The following EIF3A variants were observed in gnomAD, a reference collection of about 807,000 sequenced individuals.
EIF3A encodes the protein eukaryotic translation initiation factor 3 subunit A, also known as EIF3, p180 subunit.
EIF3A carries 21 observed loss-of-function variants against 186.6 expected under a neutral mutation model. The ratio of observed to expected loss-of-function variants is 0.11; its 90% CI spans 0.08 to 0.16. EIF3A has a LOEUF of 0.16. EIF3A is among the 10% of genes least tolerant of loss of function. The probability of loss-of-function intolerance (pLI) is 1.00; values close to 1 mark genes in which losing one functional copy is unlikely to be tolerated. For synonymous variants in EIF3A, 563 were observed against 584.3 expected, an observed-to-expected ratio of 0.96 and a Z score of 0.52; for missense variants, 1,306 against 1,796.3, an observed-to-expected ratio of 0.73 and a Z score of 4.93.
intron 14 of EIF3A, 139 bp from the exon 15 acceptor site, chr10:119,051,460 T>G: frequency 1.1e-5 from 9 of 787,220 alleles, no homozygotes; most frequent in Non-Finnish European, 1.3e-5. Context: ...AAACGTTAAC[T>G]ACATCCATGT....
chr10:119,059,152 G>A (rs1564754958), intron 11 of EIF3A, 60 bp downstream of exon 11: 7 of 1,341,040 alleles, frequency 5.2e-6, no homozygotes, highest in Non-Finnish European at 7.4e-6. Context: ...TAAAAGACAT[G>A]GCATGGCGTT....
intron 8 of EIF3A, 138 bp downstream of exon 8, chr10:119,061,086 A>C: frequency 1.7e-6 from 1 of 573,594 alleles, no homozygotes; most frequent in Admixed American, 3.6e-5. Flanking sequence ...TCTTGAAATA[A>C]AGAAAAAAGA....
At chr10:119,053,557 C>CAAAAAA (rs33979018) in intron 14 of EIF3A, among the ~76,000 whole-genome samples, 1 of 110,546 alleles carries the variant, frequency 9.0e-6, no homozygotes, top group Non-Finnish European at 1.8e-5. Context: ...ACTAAAAATA[C>CAAAAAA]AAAAAAAAAA....
chr10:119,079,730 A>G (rs912514064), intron 1 of EIF3A, among the ~76,000 whole-genome samples: 1 of 152,180 alleles, frequency 6.6e-6, no homozygotes, highest in Non-Finnish European at 1.5e-5. Context: ...TGAAGTACAC[A>G]TATAGAAATA....
chr10:119,068,971 CAAA>C (rs59413780), intron 6 of EIF3A, among the ~76,000 whole-genome samples: 10 of 99,014 alleles, frequency 1.0e-4, no homozygotes, highest in Non-Finnish European at 1.7e-4. Context: ...CTCTGTCTTG[CAAA>C]AAAAAAAAAA....
chr10:119,057,617 A>G (rs1843806155), intron 12 of EIF3A, among the ~76,000 whole-genome samples: 1 of 152,136 alleles, frequency 6.6e-6, no homozygotes, highest in African/African-American at 2.4e-5. Context: ...TCTACTAAAA[A>G]TACAAAAATT....
intron 12 of EIF3A, among the ~76,000 whole-genome samples, chr10:119,057,268 T>C (rs551487990): frequency 6.6e-6 from 1 of 152,282 alleles, no homozygotes; most frequent in South Asian, 2.1e-4. Flanking sequence ...ACCCAGACTC[T>C]ACTAAATAGG....
At chr10:119,066,654 C>T (rs999746681) in intron 6 of EIF3A, among the ~76,000 whole-genome samples, 11 of 151,794 alleles carry the variant, frequency 7.2e-5, no homozygotes, top group African/African-American at 2.7e-4. Context: ...TTTTCACATC[C>T]CTGAAAGACA....
intron 9 of EIF3A, 125 bp downstream of exon 9, chr10:119,060,621 T>C (rs751318425): frequency 1.0e-5 from 6 of 592,106 alleles, no homozygotes; most frequent in Non-Finnish European, 1.5e-5. Flanking sequence ...ATAAATAGAC[T>C]AATTTTTGCC....
intron 9 of EIF3A, chr10:119,060,274 G>A (rs1843864273): frequency 4.7e-6 from 2 of 421,458 alleles, no homozygotes; most frequent in Admixed American, 3.5e-5. Context: ...TCATGGTGGG[G>A]GGTCTATTAA....
At chr10:119,070,285 C>T (rs1844051355) in intron 5 of EIF3A, among the ~76,000 whole-genome samples, 1 of 152,186 alleles carries the variant, frequency 6.6e-6, no homozygotes, top group African/African-American at 2.4e-5. Flanking sequence ...AGGGAGAGGA[C>T]TAGCTTCCTA....
intron 17 of EIF3A, among the ~76,000 whole-genome samples, chr10:119,044,934 TTTC>T (rs1352677940): frequency 4.5e-5 from 3 of 66,032 alleles, no homozygotes; most frequent in African/African-American, 1.4e-4. Context: ...TTATTTGAAT[TTTC>T]TTTTCTTTTT....
In EIF3A at chr10:119,073,844, T is replaced by C. The variant is rs1381223131; in HGVS notation, c.143A>G (p.Glu48Gly). The C allele has an allele frequency of 6.2e-7, 1 of 1,613,922 alleles. No homozygotes were observed. The highest frequency in any genetic ancestry group is 8.5e-7 in the Non-Finnish European group (1 of 1,179,944). The change falls in exon 2 of 22, where the codon GAA becomes GGA. Residue 48 changes from glutamate to glycine, a missense_variant. Physicochemically the swap from Glu to Gly is moderately conservative, Grantham distance 98 (BLOSUM62 -2). Around this residue, in one of 8 missense-constraint regions of EIF3A, gnomAD observed 130 missense variants for 259.3 expected, o/e 0.50. Coordinates refer to ENST00000369144, the MANE Select transcript of EIF3A (RefSeq NM_003750.4). ...TTCCAAGTATTTCAACATAATTGGT[T>C]CGTGTATCTTTTGCCATGTTCTATG... ...KKHRTWQKIH[E>G]PIMLKYLELC...
rs752417259 is a variant in EIF3A, at chr10:119,060,276, G to T, written c.1326+470C>A. 1.1e-3 allele frequency: 480 copies of T among 420,110 alleles called. 5 individuals are homozygous for T. Among genetic ancestry groups the T allele is most frequent in the Middle Eastern group, 2.5e-3 (6 of 2,360 alleles). The allele number at this position is 420,110 out of a possible 1,614,324, so 26.0% of individuals were successfully genotyped here. A position where few individuals can be genotyped will look rare whatever the true frequency, so the allele number is the denominator to read the frequency against. ...CTGTCTCATTCACTCATGGTGGGGG[G>T]TCTATTAATCCAGGCTTCTGAATAG... is the stretch of plus-strand genomic sequence containing the variant. On this transcript the variant is annotated intron_variant, in intron 9 of 21. Coordinates refer to ENST00000369144, the MANE Select transcript of EIF3A (RefSeq NM_003750.4).
chr10:119,052,399 TTTTAAGACA>T (rs1848370987), intron 14 of EIF3A, among the ~76,000 whole-genome samples: 19 of 149,202 alleles, frequency 1.3e-4, no homozygotes, highest in East Asian at 2.0e-4. Flanking sequence ...TGTGTGTGTG[TTTTAAGACA>T]GGGTCTGTCT....
At chr10:119,047,836 G>C (rs1049768822) in intron 17 of EIF3A, among the ~76,000 whole-genome samples, 1 of 152,158 alleles carries the variant, frequency 6.6e-6, no homozygotes, top group Non-Finnish European at 1.5e-5. Flanking sequence ...CTAGTATCAA[G>C]TGTAGGCATA....
In EIF3A at chr10:119,034,969, A is replaced by T. The variant is rs1848108460; in HGVS notation, c.*1070T>A. 1 of 147,106 alleles carries T rather than the reference A, an allele frequency of 6.8e-6. No individual in the cohort carries two copies. Among genetic ancestry groups the T allele is most frequent in the Non-Finnish European group, 1.5e-5 (1 of 67,668 alleles). The allele number at this position is 147,106 out of a possible 1,614,324, so 9.1% of individuals were successfully genotyped here. On this transcript the variant is annotated 3_prime_UTR_variant, in exon 22 of 22. Coordinates refer to ENST00000369144, the MANE Select transcript of EIF3A (RefSeq NM_003750.4). ...TAATGGCACTGATAAAAATTCAAGTAAAAAAAACTCAACTGAATATGCAAA... is the reference window on the plus strand; with the variant it reads ...TAATGGCACTGATAAAAATTCAAGTTAAAAAAACTCAACTGAATATGCAAA...
intron 19 of EIF3A, among the ~76,000 whole-genome samples, chr10:119,041,033 C>T (rs113319932): frequency 0.016 from 2,220 of 142,040 alleles, 63 homozygotes; most frequent in African/African-American, 0.055. Flanking sequence ...AAAAAATTAG[C>T]CATGCATGGT....
chr10:119,037,590 C>T (rs1159778223), intron 20 of EIF3A, among the ~76,000 whole-genome samples: 1 of 152,172 alleles, frequency 6.6e-6, no homozygotes, highest in Non-Finnish European at 1.5e-5. Flanking sequence ...AAGTGCTTGG[C>T]TGCCAAATGT....
Sources: gnomAD v4.1 joint callset for allele counts (sites outside exome capture counted in the v4.1 genomes callset) on GRCh38, gnomAD v4.1.1 for gene constraint, gnomAD v4.1.1 regional missense constraint, MANE v1.5 for transcripts, NCBI Gene and HGNC (gene_info 2026-07-23, HGNC 2026-07-21) for gene names.